SMARCC1: variants seen among roughly 807,000 people sequenced by gnomAD.
The protein encoded by SMARCC1 is SWI/SNF complex subunit SMARCC1.
A neutral mutation model predicts 147.4 loss-of-function variants in SMARCC1; 43 were observed. The ratio of observed to expected loss-of-function variants is 0.29; its 90% CI spans 0.23 to 0.38. SMARCC1 has a LOEUF of 0.38. Ranked by LOEUF, SMARCC1 falls within the 10% of genes least tolerant of loss-of-function variation. The pLI, the probability that SMARCC1 is intolerant of heterozygous loss-of-function variation, is 1.00. For missense variants in SMARCC1, 1,119 were observed against 1,381.1 expected, an observed-to-expected ratio of 0.81 and a Z score of 3.01; for synonymous variants, 495 against 484.4, an observed-to-expected ratio of 1.02 and a Z score of -0.29.
chr3:47,595,925 G>C (rs1204003725), intron 26 of SMARCC1, among the ~76,000 whole-genome samples: 1 of 151,444 alleles, frequency 6.6e-6, no homozygotes, highest in Non-Finnish European at 1.5e-5. Context: ...AGTAGAGACC[G>C]AGTTTCACAA....
chr3:47,585,921 G>GA lies in SMARCC1; in HGVS notation c.*2287dup, dbSNP rs1356541150. On this transcript the variant is annotated 3_prime_UTR_variant, in exon 28 of 28. Transcript: ENST00000254480. ...AGAAATGGTGTTCCATTTATTCACTGAAAAAGAGAGAGATTAGGCCTTCTT... is the reference window on the plus strand; with the variant it reads ...AGAAATGGTGTTCCATTTATTCACTGAAAAAAGAGAGAGATTAGGCCTTCTT... The GA allele has an allele frequency of 6.6e-6, 1 of 152,556 alleles. No individual in the cohort carries two copies. The highest frequency in any genetic ancestry group is 1.5e-5 in the Non-Finnish European group (1 of 68,028). The allele number at this position is 152,556 out of a possible 1,614,324, so 9.5% of individuals were successfully genotyped here. A position where few individuals can be genotyped will look rare whatever the true frequency, so the allele number is the denominator to read the frequency against.
At chr3:47,627,814 C>T (rs1366654920) in intron 24 of SMARCC1, among the ~76,000 whole-genome samples, 2 of 152,074 alleles carry the variant, frequency 1.3e-5, no homozygotes, top group Admixed American at 1.3e-4. Flanking sequence ...TCAAACTCCT[C>T]AGCTCAAGAG....
At chr3:47,658,848 G>A (rs556872682) in intron 21 of SMARCC1, among the ~76,000 whole-genome samples, 3 of 152,228 alleles carry the variant, frequency 2.0e-5, no homozygotes, top group Non-Finnish European at 2.9e-5. Flanking sequence ...GGCTAGGCAC[G>A]GTGGCTTACA....
intron 25 of SMARCC1, among the ~76,000 whole-genome samples, chr3:47,618,605 A>T (rs1303784993): frequency 1.3e-5 from 2 of 152,126 alleles, no homozygotes; most frequent in African/African-American, 4.8e-5. Flanking sequence ...GTAGTTATTT[A>T]AAAAATAGAC....
chr3:47,655,278 G>C lies in SMARCC1; in HGVS notation c.2320+6016C>G, dbSNP rs1005583723. 6.6e-5 allele frequency among the ~76,000 whole-genome samples: 10 copies of C among 152,192 alleles called. No homozygotes were observed. The East Asian group carries it at 1.7e-3, about 26-fold the overall frequency. On this transcript the variant is annotated intron_variant, in intron 21 of 27. Transcript: ENST00000254480. ...CCAGCAATGGTGTCATGTGCCTGTA[G>C]TTCTAGCTACTTGGGAAGCTTAGGT...
At chr3:47,765,326 G>C (rs1266041532) in intron 2 of SMARCC1, among the ~76,000 whole-genome samples, 2 of 151,876 alleles carry the variant, frequency 1.3e-5, no homozygotes, top group African/African-American at 4.8e-5. Flanking sequence ...TTTATGGTTG[G>C]GGAAGGAACA....
intron 3 of SMARCC1, among the ~76,000 whole-genome samples, chr3:47,742,450 C>T (rs531756564): frequency 6.6e-6 from 1 of 152,264 alleles, no homozygotes; most frequent in East Asian, 1.9e-4. Flanking sequence ...AACTTGTTAT[C>T]CTTCAGTTAC....
At chr3:47,696,840 G>A (rs997321421) in intron 11 of SMARCC1, among the ~76,000 whole-genome samples, 20 of 152,002 alleles carry the variant, frequency 1.3e-4, no homozygotes, top group African/African-American at 3.4e-4. Flanking sequence ...AATAAATTTC[G>A]AAAGACTAGA....
intron 1 of SMARCC1, among the ~76,000 whole-genome samples, chr3:47,779,753 G>T (rs1371502865): frequency 6.6e-6 from 1 of 152,152 alleles, no homozygotes; most frequent in Non-Finnish European, 1.5e-5. Context: ...AGAAATTACT[G>T]AAATTTGCCT....
chr3:47,741,987 T>C (rs900553088), intron 3 of SMARCC1, among the ~76,000 whole-genome samples: 2 of 152,034 alleles, frequency 1.3e-5, no homozygotes, highest in Admixed American at 1.3e-4. Context: ...AGCTCCTTAT[T>C]TGAGGCCAGC....
chr3:47,683,664 T>C (rs1576410543), intron 14 of SMARCC1, among the ~76,000 whole-genome samples: 1 of 149,664 alleles, frequency 6.7e-6, no homozygotes, highest in Non-Finnish European at 1.5e-5. Flanking sequence ...ACCAGCCTGG[T>C]GGTGAGCCGA....
At chr3:47,663,212 G>GGA (rs2033374168) in intron 19 of SMARCC1, among the ~76,000 whole-genome samples, 6 of 24,990 alleles carry the variant, frequency 2.4e-4, no homozygotes, top group Admixed American at 2.2e-3. Flanking sequence ...GAGGGGAGGG[G>GGA]AGGAAGGAAG....
At chr3:47,694,477 G>A (rs2033824962) in intron 11 of SMARCC1, among the ~76,000 whole-genome samples, 1 of 152,132 alleles carries the variant, frequency 6.6e-6, no homozygotes, top group African/African-American at 2.4e-5. Flanking sequence ...GTGCGCATGT[G>A]TAATCCCAGC....
chr3:47,661,891 C>T (rs1257912602), intron 20 of SMARCC1, among the ~76,000 whole-genome samples: 2 of 152,158 alleles, frequency 1.3e-5, no homozygotes, highest in Admixed American at 6.5e-5. Context: ...TTGCTAGTTA[C>T]ACCAAATTCT....
Position 47,706,441 on chromosome 3 carries a change from TG to T in SMARCC1, c.1007del (p.Pro336GlnfsTer32). 6.3e-7 allele frequency: 1 copy of T among 1,579,840 alleles called. No individual in the cohort carries two copies. The highest frequency in any genetic ancestry group is 8.6e-7 in the Non-Finnish European group (1 of 1,167,406). On this transcript the variant is annotated frameshift_variant, in exon 10 of 28. Coordinates refer to ENST00000254480, the MANE Select transcript of SMARCC1 (RefSeq NM_003074.4). LOFTEE classifies it high-confidence loss of function. ...TCCCACTCTTCTTCCGTGATTCTGT[TG>T]GTGTCGGAGGGGGAGGCGAAGGCGA... ...KHSPSPPPPT[P>X]TESRKKSGKK...
At chr3:47,630,647 T>C (rs1191614767) in intron 24 of SMARCC1, among the ~76,000 whole-genome samples, 2 of 152,178 alleles carry the variant, frequency 1.3e-5, no homozygotes, top group South Asian at 2.1e-4. Context: ...TCCTGACACA[T>C]TGAGAGGATT....
chr3:47,590,028 C>T (rs1388214013), intron 27 of SMARCC1, among the ~76,000 whole-genome samples: 1 of 152,188 alleles, frequency 6.6e-6, no homozygotes, highest in Non-Finnish European at 1.5e-5. Context: ...TCAGAAACAA[C>T]CCTCAGGCCA....
At chr3:47,650,014 C>T (rs551075303) in intron 21 of SMARCC1, among the ~76,000 whole-genome samples, 5 of 152,204 alleles carry the variant, frequency 3.3e-5, no homozygotes, top group African/African-American at 1.2e-4. Context: ...TGGTGGCTCA[C>T]GCCTGTAATC....
chr3:47,680,533 T>A (rs753494570), intron 14 of SMARCC1, 25 bp from the exon 15 acceptor site: 2 of 1,144,148 alleles, frequency 1.7e-6, no homozygotes, highest in Non-Finnish European at 2.5e-6. Flanking sequence ...AAAAAAAGAT[T>A]TAGGAGTGTT....
Sources: allele counts gnomAD v4.1 joint callset (sites outside exome capture counted in the v4.1 genomes callset), GRCh38; gene constraint gnomAD v4.1.1; transcripts MANE v1.5; gene names NCBI Gene and HGNC (gene_info 2026-07-23, HGNC 2026-07-21).